Variants in ATM observed in about 807,000 individuals in gnomAD.
ATM encodes serine-protein kinase ATM.
Under a neutral mutation model 387.0 loss-of-function variants are expected in ATM, and 308 were observed. The observed-to-expected ratio is 0.80, with a 90% CI of 0.73 to 0.87. The LOEUF is 0.87. ATM is among the 40% of genes least tolerant of loss of function. The pLI is 0.00. For synonymous variants in ATM, 1,156 were observed against 1,187.3 expected (o/e 0.97, Z 0.54); for missense variants, 3,312 against 3,560.9 (o/e 0.93, Z 1.78).
intron 40 of ATM, among the ~76,000 whole-genome samples, chr11:108,314,420 G>A (rs2084435795): frequency 6.6e-6 from 1 of 151,434 alleles, no homozygotes; most frequent in South Asian, 2.1e-4. Flanking sequence ...TACAGTTTTA[G>A]GTGTTGACAA....
chr11:108,320,045 C>G lies in ATM; in HGVS notation c.6439C>G (p.Leu2147Val), dbSNP rs2136222253. 6.3e-7 allele frequency: 1 copy of G among 1,592,926 alleles called. No individual in the cohort carries two copies. Among genetic ancestry groups the G allele is most frequent in the South Asian group, 1.1e-5 (1 of 90,630 alleles). The stretch of plus-strand genomic sequence containing the variant: ...AGAATTCTCTACATTTTATGAAAGT[C>G]TCAAATATGCCAGGTATTATGAAAA... ...DREFSTFYESLKYARVKEVEE... is the reference protein window; with the variant it reads ...DREFSTFYESVKYARVKEVEE... Residue 2147 changes from leucine to valine, a missense_variant, in exon 44 of 63, where the codon CTC becomes GTC. Physicochemically the swap from Leu to Val is conservative, Grantham distance 32. Around this residue, in one of 4 missense-constraint regions of ATM, gnomAD observed 1,405 missense variants for 1,604.4 expected, o/e 0.88. Coordinates refer to ENST00000675843, the MANE Select transcript of ATM (RefSeq NM_000051.4).
chr11:108,223,427 T>A (rs1262098456), intron 1 of ATM: 1 of 152,376 alleles, frequency 6.6e-6, no homozygotes, highest in East Asian at 1.9e-4. Context: ...TCTTTTTGTG[T>A]CACCTTAGGG....
chr11:108,288,338 G>A (rs989424600), intron 27 of ATM, among the ~76,000 whole-genome samples: 1 of 152,004 alleles, frequency 6.6e-6, no homozygotes, highest in Non-Finnish European at 1.5e-5. Flanking sequence ...GCCAACCAAA[G>A]TGCTGGGTCT....
intron 45 of ATM, among the ~76,000 whole-genome samples, chr11:108,324,566 A>G (rs2085471005): frequency 6.6e-6 from 1 of 152,098 alleles, no homozygotes; most frequent in Non-Finnish European, 1.5e-5. Context: ...GGTCATTTAG[A>G]GAGGAATTGA....
chr11:108,250,857 G>T lies in ATM; in HGVS notation c.1392G>T (p.Leu464Phe), dbSNP rs760191806. 5 of 1,614,010 alleles carry T rather than the reference G, an allele frequency of 3.1e-6. No homozygotes were observed. The highest frequency in any genetic ancestry group is 3.4e-6 in the Non-Finnish European group (4 of 1,180,018). Residue 464 changes from leucine to phenylalanine, a missense_variant, in exon 10 of 63, where the codon TTG becomes TTT. Physicochemically the swap from Leu to Phe is conservative, Grantham distance 22. Around this residue, in one of 4 missense-constraint regions of ATM, gnomAD observed 1,791 missense variants for 1,804.5 expected, o/e 0.99. Coordinates refer to ENST00000675843, the MANE Select transcript of ATM (RefSeq NM_000051.4). ...TACGATGCCTTACGGAAGTTGCATT[G>T]TGTCAAGACAAGAGGTCAAACCTAG... is the stretch of plus-strand genomic sequence containing the variant. ...YVLRCLTEVA[L>F]CQDKRSNLES... is the part of the protein sequence containing the mutation.
At chr11:108,357,958 G>T (rs897618900) in intron 61 of ATM, among the ~76,000 whole-genome samples, 4 of 149,960 alleles carry the variant, frequency 2.7e-5, no homozygotes, top group African/African-American at 9.8e-5. Flanking sequence ...TGACTTTGAC[G>T]AGCTGAGAGA....
chr11:108,294,228 T>C (rs2082996022), intron 31 of ATM, among the ~76,000 whole-genome samples: 1 of 152,194 alleles, frequency 6.6e-6, no homozygotes, highest in African/African-American at 2.4e-5. Flanking sequence ...TTAATCTTTA[T>C]AAACCTCGAA....
intron 5 of ATM, among the ~76,000 whole-genome samples, chr11:108,242,721 C>G (rs2079625704): frequency 6.6e-6 from 1 of 152,068 alleles, no homozygotes; most frequent in East Asian, 1.9e-4. Context: ...TGAGGTTTCT[C>G]TGTTATAACT....
intron 45 of ATM, 33 bp downstream of exon 45, chr11:108,321,453 G>C (rs1327131645): frequency 6.2e-7 from 1 of 1,613,604 alleles, no homozygotes; most frequent in Admixed American, 1.7e-5. Context: ...TTATCCTAAA[G>C]TGCAGCTTTT....
chr11:108,272,796 A>G lies in ATM; in HGVS notation c.3228A>G (p.Gln1076=), dbSNP rs1057522201. 1 of 1,614,050 alleles carries G rather than the reference A, an allele frequency of 6.2e-7. No individual in the cohort carries two copies. Among genetic ancestry groups the G allele is most frequent in the East Asian group, 2.2e-5 (1 of 44,864 alleles). The change falls in exon 22 of 63, where the codon CAA becomes CAG. Residue 1076 remains glutamine, a synonymous_variant. Transcript: ENST00000675843. ...KDFPVNEVFT[Q]FLADNHHQVR... is the part of the protein sequence containing the mutation. ...TTCCTGTAAATGAAGTATTTACACA[A>G]TTTCTTGCTGACAATCATCACCAAG...
intron 57 of ATM, 148 bp from the exon 58 acceptor site, chr11:108,345,595 C>T: frequency 1.5e-6 from 1 of 650,500 alleles, no homozygotes; most frequent in Non-Finnish European, 2.5e-6. Flanking sequence ...TTAATTGCTT[C>T]CCTGTCCAGA....
At position 108,312,472 on chromosome 11, in the gene ATM, AAAG is replaced by A. The variant is rs1555111872; in HGVS notation, c.5986_5988del (p.Glu1996del). On this transcript the variant is annotated inframe_deletion, in exon 40 of 63. Coordinates refer to ENST00000675843, the MANE Select transcript of ATM (RefSeq NM_000051.4). ...TATTTCTAGCTTGAGTGAAAAAAGT[AAAG>A]AAGAAACTGGAATAAGTTTACAGGT... is the stretch of plus-strand genomic sequence containing the variant. The A allele has an allele frequency of 1.9e-6, 3 of 1,586,834 alleles. No homozygotes were observed. Among genetic ancestry groups the A allele is most frequent in the South Asian group, 1.1e-5 (1 of 90,482 alleles).
intron 56 of ATM, 101 bp downstream of exon 56, chr11:108,336,062 C>A: frequency 1.1e-6 from 1 of 885,806 alleles, no homozygotes; most frequent in Non-Finnish European, 1.8e-6. Flanking sequence ...TTTGGGAGGC[C>A]AAGGTGGGAG....
chr11:108,233,229 A>G (rs1317274382), intron 4 of ATM, among the ~76,000 whole-genome samples: 1 of 152,172 alleles, frequency 6.6e-6, no homozygotes, highest in Non-Finnish European at 1.5e-5. Flanking sequence ...AGATAGTGCA[A>G]AACTCAGCTG....
chr11:108,349,129 CTG>C lies in ATM; in HGVS notation c.8671+1765_8671+1766del, dbSNP rs1295205391. 5.3e-5 allele frequency among the ~76,000 whole-genome samples: 8 copies of C among 152,242 alleles called. No individual in the cohort carries two copies. In the South Asian group the frequency reaches 1.2e-3, roughly 24 times the overall value. On this transcript the variant is annotated intron_variant, in intron 59 of 62. Transcript: ENST00000675843. ...TTGGAAAGGCTGAGCCAGAAAAAAA[CTG>C]AGAAGTACTCAAAGGAAGTCAGGAT...
Position 108,303,021 on chromosome 11 carries a change from A to ATG in ATM, c.5493_5494dup (p.Glu1832ValfsTer3). ...TGAAATTCTTCAATTATTAAAGCCA[A>ATG]TGTGTGAAGTAAGAAGATTAATTAG... On this transcript the variant is annotated frameshift_variant, in exon 36 of 63. Coordinates refer to ENST00000675843, the MANE Select transcript of ATM (RefSeq NM_000051.4). LOFTEE classifies it high-confidence loss of function. The ATG allele has an allele frequency of 6.2e-7, 1 of 1,611,756 alleles. No individual in the cohort carries two copies. Among genetic ancestry groups the ATG allele is most frequent in the Non-Finnish European group, 8.5e-7 (1 of 1,178,044 alleles).
chr11:108,232,467 A>G (rs1482043458), intron 4 of ATM, among the ~76,000 whole-genome samples: 1 of 151,500 alleles, frequency 6.6e-6, no homozygotes, highest in East Asian at 1.9e-4. Flanking sequence ...AGAGATTAGT[A>G]AAAAAGAAGT....
chr11:108,235,958 A>G, intron 5 of ATM, 124 bp downstream of exon 5: 1 of 1,065,524 alleles, frequency 9.4e-7, no homozygotes, highest in South Asian at 1.3e-5. Context: ...GTACTTTAGT[A>G]AAATTATATG....
chr11:108,274,527 A>C (rs972516879), intron 22 of ATM, among the ~76,000 whole-genome samples: 1 of 152,144 alleles, frequency 6.6e-6, no homozygotes, highest in African/African-American at 2.4e-5. Flanking sequence ...TTTCCCTCTA[A>C]ACACTGCTTT....
Sources: allele counts gnomAD v4.1 joint callset (sites outside exome capture counted in the v4.1 genomes callset), GRCh38; gene constraint gnomAD v4.1.1; regional missense constraint gnomAD v4.1.1; transcripts MANE v1.5; gene names NCBI Gene and HGNC (gene_info 2026-07-23, HGNC 2026-07-21).